FOCAD: variants seen among roughly 807,000 people sequenced by gnomAD.
The protein encoded by FOCAD is focadhesin, also known as KIAA1797.
In FOCAD, 198 loss-of-function variants were observed where a neutral mutation model predicts 225.6. The ratio of observed to expected loss-of-function variants is 0.88; its 90% CI spans 0.78 to 0.99. The LOEUF is 0.99. Ranked by LOEUF, FOCAD falls within the 50% of genes least tolerant of loss-of-function variation. FOCAD has a pLI of 0.00. For synonymous variants in FOCAD, 897 were observed against 755.0 expected, an observed-to-expected ratio of 1.19 and a Z score of -3.08; for missense variants, 2,713 against 2,123.6, an observed-to-expected ratio of 1.28 and a Z score of -5.46.
At chr9:20,713,676 G>A (rs1825061028) in intron 1 of FOCAD, among the ~76,000 whole-genome samples, 2 of 152,190 alleles carry the variant, frequency 1.3e-5, no homozygotes, top group Admixed American at 1.3e-4. Flanking sequence ...AACTGTGCTG[G>A]ACACACAATA....
At chr9:20,994,897 T>C (rs1045765136) in intron 43 of FOCAD, among the ~76,000 whole-genome samples, 3 of 152,214 alleles carry the variant, frequency 2.0e-5, no homozygotes, top group African/African-American at 7.2e-5. Flanking sequence ...AATAATTGTG[T>C]AACTCTGGCT....
At chr9:20,758,031 A>G (rs991639566) in intron 5 of FOCAD, 59 bp from the exon 6 acceptor site, 3 of 1,099,990 alleles carry the variant, frequency 2.7e-6, no homozygotes, top group African/African-American at 1.6e-5. Context: ...CTATATTTGG[A>G]TATTGAAAAT....
intron 21 of FOCAD, among the ~76,000 whole-genome samples, chr9:20,904,017 G>A (rs911404846): frequency 1.3e-5 from 2 of 151,812 alleles, no homozygotes; most frequent in African/African-American, 2.4e-5. Context: ...CATATAACAC[G>A]TGACCATTTG....
intron 6 of FOCAD, among the ~76,000 whole-genome samples, chr9:20,762,605 T>G (rs1829704370): frequency 6.6e-6 from 1 of 152,232 alleles, no homozygotes; most frequent in Non-Finnish European, 1.5e-5. Context: ...TGAAATCACA[T>G]TGCTATGAAA....
chr9:20,872,361 A>T (rs557965358), intron 18 of FOCAD, among the ~76,000 whole-genome samples: 3 of 152,294 alleles, frequency 2.0e-5, no homozygotes, highest in Non-Finnish European at 4.4e-5. Flanking sequence ...GGAGGATAGG[A>T]TAAAAGTTGT....
At chr9:20,670,354 C>G (rs551004922) in intron 2 of FOCAD, among the ~76,000 whole-genome samples, 1 of 152,300 alleles carries the variant, frequency 6.6e-6, no homozygotes, top group East Asian at 1.9e-4. Flanking sequence ...TGTTCTCACA[C>G]TGTTATAAAG....
intron 40 of FOCAD, among the ~76,000 whole-genome samples, 161 bp from the exon 41 acceptor site, chr9:20,988,171 C>G (rs1241445651): frequency 6.6e-6 from 1 of 152,196 alleles, no homozygotes; most frequent in African/African-American, 2.4e-5. Flanking sequence ...AAAGAACTCT[C>G]TCACAGGCAG....
At chr9:20,660,212 G>A (rs1436461906) in intron 2 of FOCAD, among the ~76,000 whole-genome samples, 1 of 152,174 alleles carries the variant, frequency 6.6e-6, no homozygotes, top group African/African-American at 2.4e-5. Context: ...AATAATAGTA[G>A]TTATGGTTAA....
At chr9:20,769,883 C>G (rs977881936) in intron 7 of FOCAD, 149 bp from the exon 8 acceptor site, 4 of 660,094 alleles carry the variant, frequency 6.1e-6, no homozygotes, top group East Asian at 2.8e-5. Flanking sequence ...ATAGTTAATC[C>G]TTCATGGAGT....
intron 5 of FOCAD, among the ~76,000 whole-genome samples, chr9:20,749,427 G>GT (rs1157161414): frequency 6.6e-6 from 1 of 151,984 alleles, no homozygotes; most frequent in Non-Finnish European, 1.5e-5. Context: ...TTATTGTTTA[G>GT]TTTTTCCTTT....
chr9:20,847,403 T>C (rs1019829749), intron 15 of FOCAD, among the ~76,000 whole-genome samples: 1 of 152,082 alleles, frequency 6.6e-6, no homozygotes, highest in African/African-American at 2.4e-5. Context: ...ATGTTAAGTC[T>C]AAATTCTTAT....
At chr9:20,820,790 C>A in intron 13 of FOCAD, 151 bp from the exon 14 acceptor site, 1 of 847,684 alleles carries the variant, frequency 1.2e-6, no homozygotes, top group Non-Finnish European at 1.8e-6. Context: ...CCAGTAATCA[C>A]TATAGCAATC....
intron 39 of FOCAD, among the ~76,000 whole-genome samples, chr9:20,985,063 A>T (rs1415143318): frequency 6.6e-6 from 1 of 152,180 alleles, no homozygotes; most frequent in Admixed American, 6.5e-5. Context: ...TGGCCTCCCA[A>T]AGCGCTGTGA....
At chr9:20,827,487 TTG>T (rs1160187893) in intron 15 of FOCAD, among the ~76,000 whole-genome samples, 3 of 151,852 alleles carry the variant, frequency 2.0e-5, no homozygotes, top group African/African-American at 7.3e-5. Flanking sequence ...ATAAAGAAAA[TTG>T]TGGCGTGTGT....
intron 15 of FOCAD, among the ~76,000 whole-genome samples, chr9:20,856,463 G>A (rs1199088077): frequency 6.6e-6 from 1 of 151,802 alleles, no homozygotes; most frequent in African/African-American, 2.4e-5. Flanking sequence ...TGAGTTGTTT[G>A]AGCTCCATTT....
chr9:20,747,406 T>A (rs1320036326), intron 5 of FOCAD, among the ~76,000 whole-genome samples: 1 of 152,132 alleles, frequency 6.6e-6, no homozygotes, highest in Non-Finnish European at 1.5e-5. Context: ...TGTGGCTGAG[T>A]TAAGTCTGAA....
intron 1 of FOCAD, chr9:20,684,779 C>G (rs1490675736): frequency 6.6e-6 from 1 of 152,416 alleles, no homozygotes; most frequent in Non-Finnish European, 1.5e-5. Context: ...CGGTGACTCA[C>G]TCAGATCATG....
chr9:20,695,005 C>A (rs183131094), intron 1 of FOCAD, among the ~76,000 whole-genome samples: 1 of 152,314 alleles, frequency 6.6e-6, no homozygotes, highest in Admixed American at 6.5e-5. Flanking sequence ...AATCCCTCCA[C>A]TCCTTTTTTC....
intron 21 of FOCAD, among the ~76,000 whole-genome samples, chr9:20,902,614 A>T (rs1312497141): frequency 6.6e-6 from 1 of 151,954 alleles, no homozygotes; most frequent in East Asian, 1.9e-4. Context: ...ATGTGTTAGG[A>T]CAAGGAAAGA....
Sources: gnomAD v4.1 joint callset for allele counts (sites outside exome capture counted in the v4.1 genomes callset) on GRCh38, gnomAD v4.1.1 for gene constraint, MANE v1.5 for transcripts, NCBI Gene and HGNC (gene_info 2026-07-23, HGNC 2026-07-21) for gene names.